BDH1: variants seen among roughly 807,000 people sequenced by gnomAD.
The protein encoded by BDH1 is D-beta-hydroxybutyrate dehydrogenase, mitochondrial.
BDH1 carries 30 observed loss-of-function variants against 33.1 expected under a neutral mutation model. The ratio of observed to expected loss-of-function variants is 0.91; its 90% confidence interval spans 0.68 to 1.23. BDH1 has a LOEUF of 1.23. Ranked by LOEUF, BDH1 falls within the 50% of genes most tolerant of loss-of-function variation. The pLI is 0.00. For missense variants in BDH1, 443 were observed against 464.4 expected (o/e 0.95, Z 0.42); for synonymous variants, 190 against 183.6 (o/e 1.03, Z -0.28).
chr3:197,547,244 G>A (rs992859093), intron 2 of BDH1, among the ~76,000 whole-genome samples: 2 of 152,256 alleles, frequency 1.3e-5, no homozygotes, highest in African/African-American at 4.8e-5. Flanking sequence ...GCACGGGCAT[G>A]CGTTGCCCTC....
intron 1 of BDH1, among the ~76,000 whole-genome samples, chr3:197,569,481 TATC>T (rs1717536982): frequency 6.6e-6 from 1 of 152,188 alleles, no homozygotes; most frequent in African/African-American, 2.4e-5. Context: ...CCTACCCAAA[TATC>T]ATCTTGAACT....
chr3:197,553,544 AAAG>A (rs201708449), intron 2 of BDH1, among the ~76,000 whole-genome samples: 3,448 of 147,572 alleles, frequency 0.023, 134 homozygotes, highest in African/African-American at 0.083. Flanking sequence ...AAAAAAAAAA[AAAG>A]AAGAGTTTTA....
In BDH1 at chr3:197,554,885, T is replaced by C. The variant is rs1269291561; in HGVS notation, c.-195-172A>G. On this transcript the variant is annotated intron_variant, in intron 1 of 7. Coordinates refer to ENST00000392379, the MANE Select transcript of BDH1 (RefSeq NM_203314.3). This position sits in a 1 kb window ranked among gnomAD's most constrained non-coding sequence, Gnocchi z 4.4. ...CCACAGGGTATCTATCAGGCGCGCGTCAGCACGTAAGCAGAGCGCGAGAAC... is the reference window on the plus strand; with the variant it reads ...CCACAGGGTATCTATCAGGCGCGCGCCAGCACGTAAGCAGAGCGCGAGAAC... Among the ~76,000 whole-genome samples, 1 of 152,172 alleles carries C rather than the reference T, an allele frequency of 6.6e-6. No homozygotes were observed. Among genetic ancestry groups the C allele is most frequent in the African/African-American group, 2.4e-5 (1 of 41,454 alleles).
At chr3:197,548,866 A>C (rs1214087282) in intron 2 of BDH1, among the ~76,000 whole-genome samples, 1 of 132,534 alleles carries the variant, frequency 7.5e-6, no homozygotes, top group Admixed American at 7.2e-5. Flanking sequence ...CAAAAATAAC[A>C]AAAAAAAACA....
chr3:197,512,137 G>C lies in BDH1; in HGVS notation c.790C>G (p.Leu264Val), dbSNP rs370655515. 6.2e-7 allele frequency: 1 copy of C among 1,614,198 alleles called. No individual in the cohort carries two copies. The highest frequency in any genetic ancestry group is 8.5e-7 in the Non-Finnish European group (1 of 1,180,044). The change falls in exon 8 of 8, where the codon CTG becomes GTG. Residue 264 changes from leucine (L) to valine (V), a missense_variant. Physicochemically the swap from Leu to Val is conservative, Grantham distance 32. Transcript: ENST00000392379. ...QAIAKKMWEE[L>V]PEVVRKDYGK... is the part of the protein sequence containing the mutation. ...TAGTCCTTGCGCACGACCTCAGGCA[G>C]CTCCTCCCACATCTTCTTGGCGATG...
In BDH1 at chr3:197,514,523, A is replaced by T; in HGVS notation, c.410-107T>A. The T allele has an allele frequency of 7.6e-7, 1 of 1,317,138 alleles. No individual in the cohort carries two copies. Among genetic ancestry groups the T allele is most frequent in the South Asian group, 1.5e-5 (1 of 65,708 alleles). 81.6% of individuals were successfully genotyped at this position (1,317,138 alleles called of 1,614,324 possible). ...CTCTGCTTCTTTCCTGTGACTTCCC[A>T]GCCTCTCGCCCAGTGCTCTCAAGAA... On this transcript the variant is annotated intron_variant, in intron 6 of 7. Transcript: ENST00000392379. This position sits in a 1 kb window ranked among gnomAD's most constrained non-coding sequence, Gnocchi z 4.2.
chr3:197,543,014 G>C (rs759607184), intron 3 of BDH1: 3 of 985,292 alleles, frequency 3.0e-6, no homozygotes, highest in African/African-American at 1.7e-5. Flanking sequence ...GCATTTGAGA[G>C]CGCTCCCTAT....
Position 197,512,329 on chromosome 3 carries a change from T to C in BDH1, c.598A>G (p.Met200Val), listed in dbSNP as rs775259877. ...TACGGGGAGCGGGCCGGGTTGGCCA[T>C]GCGGCCCAGCATGCTGCTGATATTG... ...VVNISSMLGRMANPARSPYCI... is the reference protein window; with the variant it reads ...VVNISSMLGRVANPARSPYCI... Residue 200 changes from methionine to valine, a missense_variant, in exon 8 of 8, where the codon ATG becomes GTG. By Grantham distance (21) the Met-to-Val change is conservative. Transcript: ENST00000392379. The C allele has an allele frequency of 2.5e-5, 41 of 1,610,214 alleles. 1 individual carries two copies. The South Asian group carries it at 4.2e-4, about 16-fold the overall frequency.
At chr3:197,537,374 T>C (rs1715247498) in intron 3 of BDH1, among the ~76,000 whole-genome samples, 1 of 152,256 alleles carries the variant, frequency 6.6e-6, no homozygotes, top group Admixed American at 6.5e-5. Flanking sequence ...TTATCTTGTA[T>C]CTTGTAACCC....
At chr3:197,572,088 C>T (rs890106699) in intron 1 of BDH1, among the ~76,000 whole-genome samples, 1 of 152,136 alleles carries the variant, frequency 6.6e-6, no homozygotes, top group Non-Finnish European at 1.5e-5. Flanking sequence ...TTGCCTAGGC[C>T]TTTCCTGGGC....
rs377497229 is a variant in BDH1 at position 197,531,980 on chromosome 3, G to C, written c.267+432C>G. 7.0e-4 allele frequency among the ~76,000 whole-genome samples: 106 copies of C among 152,270 alleles called. 1 individual carries two copies. The highest frequency in any genetic ancestry group is 2.5e-3 in the African/African-American group (102 of 41,554). ...TTACTCGCCATGGCCCAGAACAAAT[G>C]TCACTTCCTCTGGCATGCCATCATC... On this transcript the variant is annotated intron_variant, in intron 5 of 7. Transcript: ENST00000392379.
intron 1 of BDH1, among the ~76,000 whole-genome samples, chr3:197,565,295 CT>C (rs949357518): frequency 2.7e-4 from 41 of 152,024 alleles, no homozygotes; most frequent in African/African-American, 8.9e-4. Flanking sequence ...AGGTTTTTGC[CT>C]TTTTTTTAAA....
chr3:197,515,829 A>G (rs1712648534), intron 6 of BDH1: 2 of 599,518 alleles, frequency 3.3e-6, no homozygotes, highest in South Asian at 1.5e-4. Context: ...TCTTGAACCC[A>G]GGAGGCAGAG....
At position 197,522,840 on chromosome 3, in the gene BDH1, G is replaced by A; in HGVS notation, c.268-59C>T. 3 of 1,582,714 alleles carry A rather than the reference G, an allele frequency of 1.9e-6. No individual in the cohort carries two copies. The highest frequency in any genetic ancestry group is 2.3e-5 in the South Asian group (2 of 86,994). ...TCCTTCCCACCCTGAGGCAGACCCT[G>A]AGGACTCCTGTCAAGGCAGGAGCTG... On this transcript the variant is annotated intron_variant, in intron 5 of 7. Coordinates refer to ENST00000392379, the MANE Select transcript of BDH1 (RefSeq NM_203314.3). The surrounding 1 kb of genome is among the most constrained non-coding windows in gnomAD (Gnocchi z 4.8).
chr3:197,568,411 T>C (rs1327929845), intron 1 of BDH1, among the ~76,000 whole-genome samples: 1 of 152,110 alleles, frequency 6.6e-6, no homozygotes, highest in African/African-American at 2.4e-5. Flanking sequence ...ATGCTGCTTC[T>C]AAAACGAAGC....
chr3:197,539,683 G>A (rs367818022), intron 3 of BDH1, among the ~76,000 whole-genome samples: 1 of 152,346 alleles, frequency 6.6e-6, no homozygotes, highest in African/African-American at 2.4e-5. Context: ...CACCACCCAG[G>A]TGGACAAACT....
chr3:197,555,404 C>G lies in BDH1; in HGVS notation c.-196+377G>C, dbSNP rs543249473. On this transcript the variant is annotated intron_variant, in intron 1 of 7. Coordinates refer to ENST00000392379, the MANE Select transcript of BDH1 (RefSeq NM_203314.3). Reference sequence around the variant, plus strand: ...GACCTTGAGGACGGTTCCTTCCCTTCGTGGGGCCTGGGTCCCCTTCAGTAA... The same window carrying G: ...GACCTTGAGGACGGTTCCTTCCCTTGGTGGGGCCTGGGTCCCCTTCAGTAA... 3.3e-5 allele frequency: 5 copies of G among 152,480 alleles called. No individual in the cohort carries two copies. The East Asian group carries it at 7.7e-4, about 24-fold the overall frequency. The allele number at this position is 152,480 out of a possible 1,614,324, so 9.4% of individuals were successfully genotyped here.
chr3:197,532,536 T>G lies in BDH1; in HGVS notation c.157-14A>C, dbSNP rs768257000. 6.2e-7 allele frequency: 1 copy of G among 1,604,100 alleles called. No individual in the cohort carries two copies. Among genetic ancestry groups the G allele is most frequent in the Non-Finnish European group, 8.5e-7 (1 of 1,171,000 alleles). On this transcript the variant is annotated splice_polypyrimidine_tract_variant and intron_variant, in intron 4 of 7. Transcript: ENST00000392379. ...TTTGCTGCCAACCTGTTTTACAAGG[T>G]CAGATTCCATGTTAGGAACCGGTGG...
rs147411623 is a variant in BDH1, at chr3:197,533,384, T to C, written c.156+105A>G. On this transcript the variant is annotated intron_variant, in intron 4 of 7. Coordinates refer to ENST00000392379, the MANE Select transcript of BDH1 (RefSeq NM_203314.3). Reference sequence around the variant, plus strand: ...AGTGAGAAAGTGGCTCCCAGTGTCCTGGAAACACTAAGGCCCCACTCTGAG... The same window carrying C: ...AGTGAGAAAGTGGCTCCCAGTGTCCCGGAAACACTAAGGCCCCACTCTGAG... 4.9e-4 allele frequency: 599 copies of C among 1,220,438 alleles called. No homozygotes were observed. In the African/African-American group the frequency reaches 8.4e-3, roughly 17 times the overall value. The allele number at this position is 1,220,438 out of a possible 1,614,324, so 75.6% of individuals were successfully genotyped here.
Sources: allele counts gnomAD v4.1 joint callset (sites outside exome capture counted in the v4.1 genomes callset), GRCh38; gene constraint gnomAD v4.1.1; non-coding constraint Gnocchi (gnomAD v3.1); transcripts MANE v1.5; gene names NCBI Gene and HGNC (gene_info 2026-07-23, HGNC 2026-07-21).